GRM8: variants seen among roughly 807,000 people sequenced by gnomAD.
The protein encoded by GRM8 is glutamate metabotropic receptor 8.
GRM8 carries 47 observed loss-of-function variants against 87.2 expected under a neutral mutation model. The observed-to-expected ratio is 0.54, with a 90% CI of 0.43 to 0.69. The LOEUF is 0.69. Among genes scored for constraint, GRM8 ranks in the 30% least tolerant of loss-of-function variants. The pLI, the probability that GRM8 is intolerant of heterozygous loss-of-function variation, is 0.00. For synonymous variants in GRM8, 396 were observed against 404.5 expected (o/e 0.98, Z 0.25); for missense variants, 1,019 against 1,139.2 (o/e 0.89, Z 1.52).
intron 7 of GRM8, among the ~76,000 whole-genome samples, chr7:126,709,677 T>G (rs1040587165): frequency 6.6e-6 from 1 of 152,082 alleles, no homozygotes; most frequent in East Asian, 1.9e-4. Context: ...TGGGTATATA[T>G]CTAAAAAATA....
intron 3 of GRM8, among the ~76,000 whole-genome samples, chr7:126,974,110 T>A (rs1810709214): frequency 6.6e-6 from 1 of 152,188 alleles, no homozygotes; most frequent in African/African-American, 2.4e-5. Flanking sequence ...TGAATAAAAA[T>A]TACTTTTAGG....
intron 2 of GRM8, among the ~76,000 whole-genome samples, chr7:127,165,665 T>A (rs1206798082): frequency 1.3e-5 from 2 of 152,194 alleles, no homozygotes; most frequent in African/African-American, 2.4e-5. Flanking sequence ...GGCCTTTTAC[T>A]TTCTTCACCT....
At chr7:127,158,264 G>A (rs1443338470) in intron 2 of GRM8, among the ~76,000 whole-genome samples, 5 of 152,102 alleles carry the variant, frequency 3.3e-5, no homozygotes, top group Non-Finnish European at 7.4e-5. Context: ...GCCTAGAGAG[G>A]ACATGGAATA....
At chr7:127,129,481 A>G (rs1295268213) in intron 2 of GRM8, among the ~76,000 whole-genome samples, 1 of 152,180 alleles carries the variant, frequency 6.6e-6, no homozygotes, top group Non-Finnish European at 1.5e-5. Context: ...TGTAAGTTAA[A>G]TATTCAAAAT....
chr7:126,458,884 A>G (rs1323285141), intron 9 of GRM8, among the ~76,000 whole-genome samples: 2 of 151,346 alleles, frequency 1.3e-5, no homozygotes, highest in East Asian at 3.9e-4. Flanking sequence ...TCATGAAAAC[A>G]GTATGTATGA....
In GRM8 at chr7:126,724,935, T is replaced by C. The variant is rs139294719; in HGVS notation, c.1357+44930A>G. On this transcript the variant is annotated intron_variant, in intron 7 of 10. Coordinates refer to ENST00000339582, the MANE Select transcript of GRM8 (RefSeq NM_000845.3). ...TTGAATGGATGCACATTCTTATATATAGCTGGAAACAAATAGTACTTTGTG... is the reference window on the plus strand; with the variant it reads ...TTGAATGGATGCACATTCTTATATACAGCTGGAAACAAATAGTACTTTGTG... Among the ~76,000 whole-genome samples, 277 of 152,286 alleles carry C rather than the reference T, an allele frequency of 1.8e-3. 3 individuals carry two copies. The highest frequency in any genetic ancestry group is 6.8e-3 in the Middle Eastern group (2 of 294).
intron 7 of GRM8, among the ~76,000 whole-genome samples, chr7:126,648,620 T>C (rs1468394846): frequency 6.6e-6 from 1 of 152,196 alleles, no homozygotes; most frequent in Non-Finnish European, 1.5e-5. Context: ...AAAAGGCAAA[T>C]CTGGCTAATT....
intron 6 of GRM8, among the ~76,000 whole-genome samples, chr7:126,866,737 G>T (rs1274487720): frequency 6.6e-6 from 1 of 151,640 alleles, no homozygotes; most frequent in Non-Finnish European, 1.5e-5. Flanking sequence ...GATTACAGGT[G>T]CATGCCACCA....
chr7:126,599,950 A>G (rs1797574118), intron 8 of GRM8, among the ~76,000 whole-genome samples: 1 of 152,112 alleles, frequency 6.6e-6, no homozygotes, highest in Admixed American at 6.6e-5. Context: ...CAAAATGAAT[A>G]TATGAATGGA....
At chr7:126,917,599 A>G (rs1282179446) in intron 3 of GRM8, among the ~76,000 whole-genome samples, 4 of 152,196 alleles carry the variant, frequency 2.6e-5, no homozygotes, top group Admixed American at 1.3e-4. Context: ...TACATGGAAA[A>G]AACTGTCCCC....
intron 2 of GRM8, among the ~76,000 whole-genome samples, chr7:127,152,862 T>C (rs1420926092): frequency 6.6e-6 from 1 of 152,168 alleles, no homozygotes; most frequent in African/African-American, 2.4e-5. Context: ...AACTGTTATA[T>C]ATTACTTATG....
intron 6 of GRM8, among the ~76,000 whole-genome samples, chr7:126,790,998 G>C (rs150019842): frequency 2.0e-5 from 3 of 152,040 alleles, no homozygotes; most frequent in Non-Finnish European, 4.4e-5. Flanking sequence ...ATACCACCAG[G>C]GGGCCATTTG....
intron 3 of GRM8, among the ~76,000 whole-genome samples, chr7:126,972,485 T>TTTG (rs1389433287): frequency 1.3e-5 from 2 of 152,182 alleles, no homozygotes; most frequent in Non-Finnish European, 2.9e-5. Context: ...CTTAATTCCT[T>TTTG]AATGTCAATC....
chr7:126,876,725 G>T (rs866764405), intron 6 of GRM8, among the ~76,000 whole-genome samples: 1 of 152,096 alleles, frequency 6.6e-6, no homozygotes, highest in Non-Finnish European at 1.5e-5. Context: ...TTCAGCTAGC[G>T]TTTTCAATGT....
In GRM8 at chr7:126,474,266, G is replaced by GTA. The variant is rs879780977; in HGVS notation, c.2431-27895_2431-27894insTA. On this transcript the variant is annotated intron_variant, in intron 9 of 10. Coordinates refer to ENST00000339582, the MANE Select transcript of GRM8 (RefSeq NM_000845.3). Reference sequence around the variant, plus strand: ...TGTTTGTGCATGTGTGTGTGTGTGTGTGTATATATATATATATTTGGAGAC... The same window carrying GTA: ...TGTTTGTGCATGTGTGTGTGTGTGTGTATGTATATATATATATATTTGGAGAC... 5.3e-3 allele frequency among the ~76,000 whole-genome samples: 789 copies of GTA among 149,122 alleles called. 4 individuals carry two copies. Among genetic ancestry groups the GTA allele is most frequent in the African/African-American group, 0.018 (736 of 40,814 alleles).
rs185092439 is a variant in GRM8, at chr7:127,142,915, A to T, written c.511-36203T>A. On this transcript the variant is annotated intron_variant, in intron 2 of 10. Transcript: ENST00000339582. ...TATTTATTAGTGTAAGTCATGATTT[A>T]AAAAAAATAAATAACCATTTGAAAG... Among the ~76,000 whole-genome samples, 14 of 152,104 alleles carry T rather than the reference A, an allele frequency of 9.2e-5. No individual in the cohort carries two copies. The East Asian group carries it at 2.5e-3, about 27-fold the overall frequency.
At chr7:126,517,997 A>C (rs560876228) in intron 9 of GRM8, among the ~76,000 whole-genome samples, 1 of 152,166 alleles carries the variant, frequency 6.6e-6, no homozygotes, top group East Asian at 1.9e-4. Context: ...GTTCCATAGG[A>C]AGAGTCAAGA....
chr7:126,855,655 T>C (rs1356351502), intron 6 of GRM8, among the ~76,000 whole-genome samples: 3 of 152,030 alleles, frequency 2.0e-5, no homozygotes, highest in African/African-American at 4.8e-5. Flanking sequence ...TTTGTATTTT[T>C]AGTAGATATT....
intron 6 of GRM8, among the ~76,000 whole-genome samples, chr7:126,793,887 A>AG (rs1821646082): frequency 6.6e-6 from 1 of 152,226 alleles, no homozygotes; most frequent in Non-Finnish European, 1.5e-5. Context: ...CAATGATGGC[A>AG]TATGGAAATG....
Sources: allele counts gnomAD v4.1 joint callset (sites outside exome capture counted in the v4.1 genomes callset), GRCh38; gene constraint gnomAD v4.1.1; transcripts MANE v1.5; gene names NCBI Gene and HGNC (gene_info 2026-07-23, HGNC 2026-07-21).